Variants in TBC1D19 observed in about 807,000 individuals in gnomAD.
The protein encoded by TBC1D19 is TBC1 domain family, member 19.
In TBC1D19, 60 loss-of-function variants were observed where a neutral mutation model predicts 89.0. That is an observed-to-expected ratio of 0.67 (90% confidence interval 0.55 to 0.84). TBC1D19 has a LOEUF of 0.84. Ranked by LOEUF, TBC1D19 falls within the 40% of genes least tolerant of loss-of-function variation. The pLI is 0.00. For missense variants in TBC1D19, 500 were observed against 610.8 expected (o/e 0.82, Z 1.91); for synonymous variants, 189 against 199.7 (o/e 0.95, Z 0.45).
At chr4:26,666,449 T>G (rs1202111876) in intron 9 of TBC1D19, 44 bp downstream of exon 9, 1 of 1,531,652 alleles carries the variant, frequency 6.5e-7, no homozygotes, top group African/African-American at 1.4e-5. Context: ...TAAATGAGAG[T>G]GAGCCTAAGG....
the TBC1D19 span, among the ~76,000 whole-genome samples, chr4:26,769,988 A>T: frequency 1.3e-5 from 2 of 152,026 alleles, no homozygotes; most frequent in African/African-American, 2.4e-5. Context: ...AGGAGATAGA[A>T]TGGAATCATA....
At chr4:26,784,812 T>C in the TBC1D19 span, among the ~76,000 whole-genome samples, 1 of 152,194 alleles carries the variant, frequency 6.6e-6, no homozygotes, top group African/African-American at 2.4e-5. Flanking sequence ...TTCTCTGCCT[T>C]GGGGAGCATT....
At chr4:26,578,118 A>C (rs1299455173) in intron 1 of TBC1D19, among the ~76,000 whole-genome samples, 1 of 152,144 alleles carries the variant, frequency 6.6e-6, no homozygotes, top group Non-Finnish European at 1.5e-5. Flanking sequence ...AGTTTGTTTC[A>C]GGATTAAGTC....
At chr4:26,613,051 A>G (rs1741479251) in intron 1 of TBC1D19, 118 bp from the exon 2 acceptor site, 3 of 694,678 alleles carry the variant, frequency 4.3e-6, no homozygotes, top group Admixed American at 6.6e-5. Context: ...CAAGTAGTAT[A>G]CATTTTTGAA....
At chr4:26,756,553 G>A (rs1719270165), downstream of TBC1D19, among the ~76,000 whole-genome samples, 1 of 152,096 alleles carries the variant, frequency 6.6e-6, no homozygotes, top group African/African-American at 2.4e-5. Context: ...TGGGGTTGAG[G>A]GACTGGCAAC....
chr4:26,692,271 A>T (rs1312930698), intron 13 of TBC1D19, among the ~76,000 whole-genome samples: 1 of 152,210 alleles, frequency 6.6e-6, no homozygotes, highest in Non-Finnish European at 1.5e-5. Flanking sequence ...TAAATTCTAG[A>T]GAGTACCATC....
chr4:26,845,648 T>G, the TBC1D19 span, among the ~76,000 whole-genome samples: 9 of 152,336 alleles, frequency 5.9e-5, no homozygotes, highest in East Asian at 1.7e-3. Flanking sequence ...AAGACATACC[T>G]GAGACTGGGT....
At chr4:26,734,480 A>C (rs957755282) in intron 15 of TBC1D19, among the ~76,000 whole-genome samples, 2 of 152,178 alleles carry the variant, frequency 1.3e-5, no homozygotes, top group Non-Finnish European at 2.9e-5. Context: ...GTACAAATTC[A>C]AATTTTTTAC....
At chr4:26,700,048 G>GA (rs960782185) in intron 13 of TBC1D19, among the ~76,000 whole-genome samples, 7 of 148,456 alleles carry the variant, frequency 4.7e-5, no homozygotes, top group Non-Finnish European at 1.0e-4. Context: ...GTAAGAAAAA[G>GA]AAAAAAAAAG....
intron 7 of TBC1D19, among the ~76,000 whole-genome samples, chr4:26,657,213 C>T (rs1744912447): frequency 6.6e-6 from 1 of 151,726 alleles, no homozygotes; most frequent in African/African-American, 2.4e-5. Context: ...TTAGGTATTT[C>T]TCCTAATGCT....
intron 4 of TBC1D19, among the ~76,000 whole-genome samples, chr4:26,622,478 A>G (rs1324135358): frequency 6.6e-6 from 1 of 152,094 alleles, no homozygotes; most frequent in African/African-American, 2.4e-5. Flanking sequence ...CTGAGAATAT[A>G]TGTGAGTGAT....
chr4:26,589,033 A>G lies in TBC1D19; in HGVS notation c.99+4741A>G, dbSNP rs147991002. On this transcript the variant is annotated intron_variant, in intron 1 of 20. Coordinates refer to ENST00000264866, the MANE Select transcript of TBC1D19 (RefSeq NM_018317.4). ...GATTCCTTTGAAACTAGAGGTAGTT[A>G]GGAGGCTGAGGTGGGCAAATCACTT... 3.0e-3 allele frequency among the ~76,000 whole-genome samples: 458 copies of G among 152,248 alleles called. 1 individual carries two copies. The highest frequency in any genetic ancestry group is 4.8e-3 in the Non-Finnish European group (324 of 68,016).
chr4:26,840,410 C>T, the TBC1D19 span, among the ~76,000 whole-genome samples: 4 of 152,122 alleles, frequency 2.6e-5, no homozygotes, highest in Non-Finnish European at 4.4e-5. Context: ...GCTCAATTTT[C>T]GTTTAATGCT....
chr4:26,661,293 A>G (rs550836434), intron 8 of TBC1D19, among the ~76,000 whole-genome samples: 1 of 152,300 alleles, frequency 6.6e-6, no homozygotes, highest in East Asian at 1.9e-4. Flanking sequence ...TAATACTCTC[A>G]TTCTTAACAC....
At chr4:26,612,500 C>G (rs2110013784) in intron 1 of TBC1D19, among the ~76,000 whole-genome samples, 3 of 152,000 alleles carry the variant, frequency 2.0e-5, no homozygotes, top group Middle Eastern at 3.4e-3. Context: ...AATAGAAATT[C>G]CTTCTGAAGA....
At chr4:26,733,813 G>T (rs1167100291) in intron 15 of TBC1D19, among the ~76,000 whole-genome samples, 2 of 152,170 alleles carry the variant, frequency 1.3e-5, no homozygotes, top group African/African-American at 4.8e-5. Context: ...CTTTCGTGAA[G>T]TCCGGGAACA....
At chr4:26,758,348 T>C (rs1355343963), downstream of TBC1D19, among the ~76,000 whole-genome samples, 1 of 152,202 alleles carries the variant, frequency 6.6e-6, no homozygotes, top group Non-Finnish European at 1.5e-5. Flanking sequence ...TTGGGATCTG[T>C]TTTCTATAAA....
chr4:26,857,988 C>G, the TBC1D19 span: 5 of 152,212 alleles, frequency 3.3e-5, no homozygotes, highest in East Asian at 1.9e-4. Flanking sequence ...TTAGAATGCA[C>G]GCCCAGAGCC....
At chr4:26,823,104 G>A in the TBC1D19 span, among the ~76,000 whole-genome samples, 12 of 152,332 alleles carry the variant, frequency 7.9e-5, no homozygotes, top group African/African-American at 2.9e-4. Flanking sequence ...GGCTGGGGAG[G>A]CCTCACAATC....
Sources: gnomAD v4.1 joint callset for allele counts (sites outside exome capture counted in the v4.1 genomes callset) on GRCh38, gnomAD v4.1.1 for gene constraint, MANE v1.5 for transcripts, NCBI Gene and HGNC (gene_info 2026-07-23, HGNC 2026-07-21) for gene names.